Variants in NXN observed in about 807,000 individuals in gnomAD.
The protein encoded by NXN is nucleoredoxin 1.
A neutral mutation model predicts 48.6 loss-of-function variants in NXN; 16 were observed. The observed-to-expected ratio is 0.33, with a 90% CI of 0.22 to 0.50. The LOEUF (loss-of-function observed/expected upper bound fraction) is 0.50. NXN is among the 20% of genes least tolerant of loss of function. The probability of loss-of-function intolerance (pLI) is 0.98; values close to 1 mark genes in which losing one functional copy is unlikely to be tolerated. For synonymous variants in NXN, 281 were observed against 269.6 expected (o/e 1.04, Z -0.41); for missense variants, 492 against 605.5 (o/e 0.81, Z 1.97).
At chr17:930,604 TAGGA>T (rs1242465322) in intron 1 of NXN, among the ~76,000 whole-genome samples, 1 of 151,522 alleles carries the variant, frequency 6.6e-6, no homozygotes, top group African/African-American at 2.4e-5. Context: ...GTACAAAAAA[TAGGA>T]AGGAAGTGCA....
At chr17:817,445 G>C (rs1019546813) in intron 5 of NXN, among the ~76,000 whole-genome samples, 1 of 151,972 alleles carries the variant, frequency 6.6e-6, no homozygotes, top group Non-Finnish European at 1.5e-5. Context: ...CGAGGTGGGC[G>C]GATCACAAGG....
intron 1 of NXN, among the ~76,000 whole-genome samples, chr17:850,420 C>T (rs911468322): frequency 3.9e-5 from 6 of 152,212 alleles, no homozygotes; most frequent in South Asian, 2.1e-4. Context: ...GATACACAAA[C>T]GTTTCACATG....
intron 1 of NXN, among the ~76,000 whole-genome samples, chr17:938,009 T>G (rs2068928387): frequency 6.6e-6 from 1 of 152,226 alleles, no homozygotes; most frequent in Non-Finnish European, 1.5e-5. Flanking sequence ...CTTCTGCTTT[T>G]GGTACAAGGA....
intron 1 of NXN, among the ~76,000 whole-genome samples, chr17:828,062 C>T (rs1036508133): frequency 2.6e-5 from 4 of 152,090 alleles, no homozygotes; most frequent in African/African-American, 9.7e-5. Flanking sequence ...AAAACCAGCC[C>T]GGGACCTCAC....
chr17:812,921 TGTGC>T (rs1567813045), intron 5 of NXN, among the ~76,000 whole-genome samples: 6 of 150,518 alleles, frequency 4.0e-5, no homozygotes, highest in South Asian at 2.1e-4. Context: ...ACTGTAGGTG[TGTGC>T]GTGTGTGAGT....
At chr17:822,775 C>G (rs547487249) in intron 3 of NXN, among the ~76,000 whole-genome samples, 24 of 152,282 alleles carry the variant, frequency 1.6e-4, no homozygotes, top group Admixed American at 1.4e-3. Context: ...AGTGTGTGAG[C>G]AGGTAGCATG....
At chr17:855,309 A>C (rs1289564324) in intron 1 of NXN, among the ~76,000 whole-genome samples, 2 of 152,128 alleles carry the variant, frequency 1.3e-5, no homozygotes, top group African/African-American at 2.4e-5. Context: ...TCATATACTA[A>C]CAAAGAATAA....
intron 1 of NXN, among the ~76,000 whole-genome samples, chr17:885,358 T>C (rs1279967867): frequency 6.6e-6 from 1 of 151,784 alleles, no homozygotes; most frequent in African/African-American, 2.4e-5. Flanking sequence ...GCGCCCGTCA[T>C]CCCAGCTACT....
intron 1 of NXN, among the ~76,000 whole-genome samples, chr17:875,247 G>C (rs2068201507): frequency 6.6e-6 from 1 of 151,986 alleles, no homozygotes; most frequent in African/African-American, 2.4e-5. Context: ...GGCCAGGCTG[G>C]TCTTGAACTC....
At chr17:837,592 C>T (rs555163725) in intron 1 of NXN, among the ~76,000 whole-genome samples, 1 of 152,214 alleles carries the variant, frequency 6.6e-6, no homozygotes, top group Admixed American at 6.5e-5. Flanking sequence ...CCACGGCTCC[C>T]CCTTGTTCCT....
At chr17:935,078 A>C (rs1401181324) in intron 1 of NXN, among the ~76,000 whole-genome samples, 1 of 146,756 alleles carries the variant, frequency 6.8e-6, no homozygotes, top group Non-Finnish European at 1.5e-5. Flanking sequence ...TGCAGCCTCC[A>C]CTACCCAGGT....
intron 1 of NXN, among the ~76,000 whole-genome samples, chr17:894,827 A>T (rs2457268): frequency 0.95 from 144,900 of 152,012 alleles, 69,209 homozygotes; most frequent in African/African-American, 0.99. Context: ...TCCATCTGAA[A>T]ACATAATTGA....
chr17:930,597 C>T (rs2068843217), intron 1 of NXN, among the ~76,000 whole-genome samples: 1 of 151,868 alleles, frequency 6.6e-6, no homozygotes, highest in Admixed American at 6.6e-5. Flanking sequence ...GCTAAAGGTA[C>T]AAAAAATAGG....
At chr17:832,737 C>G (rs1480684748) in intron 1 of NXN, among the ~76,000 whole-genome samples, 1 of 152,104 alleles carries the variant, frequency 6.6e-6, no homozygotes, top group Non-Finnish European at 1.5e-5. Flanking sequence ...TCTTCCCTCC[C>G]TCCCTAAAGA....
chr17:950,451 G>A (rs956927963), intron 1 of NXN, among the ~76,000 whole-genome samples: 9 of 151,238 alleles, frequency 6.0e-5, no homozygotes, highest in Non-Finnish European at 8.8e-5. Flanking sequence ...GTTTTCAGGG[G>A]TGTGTGGGGT....
intron 1 of NXN, chr17:910,818 G>C (rs2068628975): frequency 6.6e-6 from 1 of 152,148 alleles, no homozygotes. Context: ...GCACACCTGG[G>C]CAGCAGAACG....
chr17:903,284 C>T (rs1225553271), intron 1 of NXN, among the ~76,000 whole-genome samples: 2 of 152,170 alleles, frequency 1.3e-5, no homozygotes, highest in East Asian at 3.9e-4. Context: ...TGGCTCACTG[C>T]AACCTCCTCT....
chr17:903,081 C>G (rs2068551798), intron 1 of NXN, among the ~76,000 whole-genome samples: 1 of 152,090 alleles, frequency 6.6e-6, no homozygotes, highest in African/African-American at 2.4e-5. Context: ...CCCCTCCCAT[C>G]ATTTCATCGA....
chr17:844,153 T>TCC, intron 1 of NXN, among the ~76,000 whole-genome samples: 1 of 148,650 alleles, frequency 6.7e-6, no homozygotes, highest in East Asian at 2.0e-4. Context: ...CCATCATACA[T>TCC]CCCGTCCTGC....
Sources: gnomAD v4.1 joint callset for allele counts (sites outside exome capture counted in the v4.1 genomes callset) on GRCh38, gnomAD v4.1.1 for gene constraint, MANE v1.5 for transcripts, NCBI Gene and HGNC (gene_info 2026-07-23, HGNC 2026-07-21) for gene names.